SLC2A13: variants seen among roughly 807,000 people sequenced by gnomAD.
SLC2A13 encodes the protein solute carrier family 2 member 13.
Under a neutral mutation model 64.4 loss-of-function variants are expected in SLC2A13, and 32 were observed. The observed-to-expected ratio is 0.50, with a 90% confidence interval of 0.37 to 0.67. The LOEUF (loss-of-function observed/expected upper bound fraction) is 0.67. Ranked by LOEUF, SLC2A13 falls within the 30% of genes least tolerant of loss-of-function variation. The pLI, the probability that SLC2A13 is intolerant of heterozygous loss-of-function variation, is 0.00. For synonymous variants in SLC2A13, 338 were observed against 327.1 expected (o/e 1.03, Z -0.36); for missense variants, 743 against 829.2 (o/e 0.90, Z 1.28).
chr12:39,807,462 A>T (rs972210828), intron 7 of SLC2A13, among the ~76,000 whole-genome samples: 6 of 152,208 alleles, frequency 3.9e-5, no homozygotes, highest in African/African-American at 1.4e-4. Context: ...AGTACATGGG[A>T]TCTCTACATT....
intron 3 of SLC2A13, among the ~76,000 whole-genome samples, chr12:40,026,988 G>C (rs1400455432): frequency 1.3e-5 from 2 of 151,836 alleles, no homozygotes; most frequent in Non-Finnish European, 2.9e-5. Flanking sequence ...GCCGAGGCAG[G>C]AGAATCACTT....
At chr12:39,840,391 C>T (rs1441495114) in intron 6 of SLC2A13, among the ~76,000 whole-genome samples, 1 of 152,028 alleles carries the variant, frequency 6.6e-6, no homozygotes. Flanking sequence ...GATTTCTCTG[C>T]TTTTTAAATC....
At chr12:39,944,241 T>C (rs1160920086) in intron 4 of SLC2A13, among the ~76,000 whole-genome samples, 3 of 152,272 alleles carry the variant, frequency 2.0e-5, no homozygotes, top group African/African-American at 7.2e-5. Flanking sequence ...TTAAACTTAT[T>C]GAGGCTCATT....
intron 1 of SLC2A13, among the ~76,000 whole-genome samples, chr12:40,086,336 A>C (rs913049897): frequency 1.3e-5 from 2 of 152,120 alleles, no homozygotes; most frequent in African/African-American, 4.8e-5. Context: ...AATACTTTTC[A>C]TTTTATATAC....
intron 3 of SLC2A13, among the ~76,000 whole-genome samples, chr12:39,964,456 A>G (rs1372115692): frequency 6.6e-6 from 1 of 152,252 alleles, no homozygotes; most frequent in Non-Finnish European, 1.5e-5. Flanking sequence ...ACTTACTTAT[A>G]AAGGTGCCAT....
At chr12:39,812,337 T>TTTTTCCTTTC (rs1942188406) in intron 7 of SLC2A13, among the ~76,000 whole-genome samples, 2 of 135,188 alleles carry the variant, frequency 1.5e-5, no homozygotes, top group Admixed American at 7.4e-5. Context: ...ACTAATTTCT[T>TTTTTCCTTTC]TTTTCTTTTC....
chr12:40,038,941 G>T (rs1948036211), intron 2 of SLC2A13, among the ~76,000 whole-genome samples: 1 of 151,364 alleles, frequency 6.6e-6, no homozygotes, highest in Non-Finnish European at 1.5e-5. Context: ...AAAAAAAAGA[G>T]TTAAAAATTC....
chr12:39,781,651 T>C (rs996812674), intron 7 of SLC2A13, among the ~76,000 whole-genome samples: 2 of 152,216 alleles, frequency 1.3e-5, no homozygotes, highest in South Asian at 2.1e-4. Context: ...TGAATTTCCA[T>C]ATTATAGTCC....
intron 7 of SLC2A13, among the ~76,000 whole-genome samples, chr12:39,796,841 C>T (rs1941592627): frequency 6.6e-6 from 1 of 151,958 alleles, no homozygotes; most frequent in Non-Finnish European, 1.5e-5. Flanking sequence ...GATAATGCTG[C>T]CATGGACATT....
chr12:39,831,065 G>A (rs1015966119), intron 6 of SLC2A13, among the ~76,000 whole-genome samples: 2 of 152,170 alleles, frequency 1.3e-5, no homozygotes, highest in Admixed American at 6.6e-5. Flanking sequence ...ACAATCATTT[G>A]CCAGAAAATT....
At chr12:39,979,541 G>A (rs1946846823) in intron 3 of SLC2A13, among the ~76,000 whole-genome samples, 1 of 149,578 alleles carries the variant, frequency 6.7e-6, no homozygotes, top group South Asian at 2.1e-4. Context: ...AGCCTCAGGA[G>A]CCGATGCGAT....
chr12:39,873,576 C>G (rs1944111251), intron 4 of SLC2A13, among the ~76,000 whole-genome samples: 1 of 152,126 alleles, frequency 6.6e-6, no homozygotes, highest in Non-Finnish European at 1.5e-5. Flanking sequence ...GTTTCAGAAT[C>G]TTCACAATAA....
intron 7 of SLC2A13, among the ~76,000 whole-genome samples, chr12:39,805,434 G>A (rs1276921346): frequency 6.6e-6 from 1 of 152,062 alleles, no homozygotes; most frequent in East Asian, 1.9e-4. Flanking sequence ...TGGGTACATC[G>A]TGAAGGAGCA....
intron 4 of SLC2A13, among the ~76,000 whole-genome samples, chr12:39,895,745 T>C (rs1565526273): frequency 8.5e-6 from 1 of 117,480 alleles, no homozygotes. Flanking sequence ...TACACACATG[T>C]ATATGCGTGT....
chr12:40,076,642 G>A lies in SLC2A13; in HGVS notation c.557-28432C>T, dbSNP rs554811787. On this transcript the variant is annotated intron_variant, in intron 1 of 9. Transcript: ENST00000280871. The stretch of plus-strand genomic sequence containing the variant: ...TTTGCATGTGTCTTTATGATAGAAC[G>A]AATTATATTTCTTTGGGTATATACC... Among the ~76,000 whole-genome samples, 42 of 152,222 alleles carry A rather than the reference G, an allele frequency of 2.8e-4. No homozygotes were observed. The South Asian group carries it at 7.5e-3, about 27-fold the overall frequency.
At chr12:40,044,644 C>A (rs902187330) in intron 2 of SLC2A13, among the ~76,000 whole-genome samples, 2 of 152,034 alleles carry the variant, frequency 1.3e-5, no homozygotes. Flanking sequence ...ACTGGCAGTT[C>A]TTTTTTTCTA....
chr12:39,894,854 A>G (rs1236234691), intron 4 of SLC2A13, among the ~76,000 whole-genome samples: 1 of 152,176 alleles, frequency 6.6e-6, no homozygotes, highest in Non-Finnish European at 1.5e-5. Flanking sequence ...AGTCAAAGAA[A>G]AAAGGGAGAA....
chr12:39,935,668 G>T (rs1398894261), intron 4 of SLC2A13, among the ~76,000 whole-genome samples: 2 of 152,102 alleles, frequency 1.3e-5, no homozygotes, highest in Admixed American at 6.6e-5. Flanking sequence ...TGCTAAAGGA[G>T]GCCAGAAGGG....
chr12:40,020,728 C>A (rs552785046), intron 3 of SLC2A13, among the ~76,000 whole-genome samples: 1 of 151,986 alleles, frequency 6.6e-6, no homozygotes, highest in Non-Finnish European at 1.5e-5. Context: ...TAACCTTCTA[C>A]AAAGATCAGG....
Sources: allele counts gnomAD v4.1 joint callset (sites outside exome capture counted in the v4.1 genomes callset), GRCh38; gene constraint gnomAD v4.1.1; transcripts MANE v1.5; gene names NCBI Gene and HGNC (gene_info 2026-07-23, HGNC 2026-07-21).